The following DAPL1 variants were observed in gnomAD, a reference collection of about 807,000 sequenced individuals.
DAPL1 encodes death-associated protein-like 1.
DAPL1 carries 17 observed loss-of-function variants against 12.9 expected under a neutral mutation model. The ratio of observed to expected loss-of-function variants is 1.32; its 90% CI spans 0.90 to 1.98. DAPL1 has a LOEUF of 1.98. DAPL1 is among the 30% of genes most tolerant of loss of function. DAPL1 has a pLI of 0.00. For synonymous variants in DAPL1, 51 were observed against 42.0 expected (o/e 1.21, Z -0.82); for missense variants, 157 against 125.7 (o/e 1.25, Z -1.19).
At chr2:158,813,292 A>C (rs1449859933) in intron 3 of DAPL1, among the ~76,000 whole-genome samples, 1 of 152,164 alleles carries the variant, frequency 6.6e-6, no homozygotes, top group Admixed American at 6.5e-5. Context: ...ATGATGAAAA[A>C]GTTCTGGAGG....
intron 1 of DAPL1, among the ~76,000 whole-genome samples, chr2:158,803,003 A>G (rs1260024505): frequency 6.6e-6 from 1 of 152,276 alleles, no homozygotes; most frequent in Admixed American, 6.5e-5. Flanking sequence ...CACAGATGAT[A>G]TATAGAGATA....
At chr2:158,798,326 G>A (rs529354695) in intron 1 of DAPL1, among the ~76,000 whole-genome samples, 107 of 152,268 alleles carry the variant, frequency 7.0e-4, no homozygotes, top group African/African-American at 2.3e-3. Flanking sequence ...TATGGACCAC[G>A]GTCATTTGAA....
At chr2:158,797,756 A>G (rs1272573217) in intron 1 of DAPL1, among the ~76,000 whole-genome samples, 1 of 151,630 alleles carries the variant, frequency 6.6e-6, no homozygotes, top group Admixed American at 6.6e-5. Context: ...ACGCCACTGC[A>G]CTCCAGCCTG....
intron 1 of DAPL1, among the ~76,000 whole-genome samples, chr2:158,798,123 T>G (rs1406881756): frequency 6.6e-6 from 1 of 152,196 alleles, no homozygotes; most frequent in Non-Finnish European, 1.5e-5. Context: ...GAGCAGTGGT[T>G]CATGACTTTT....
In DAPL1 at chr2:158,815,844, T is replaced by C; in HGVS notation, c.*23T>C. 6.5e-7 allele frequency: 1 copy of C among 1,534,422 alleles called. No homozygotes were observed. Among genetic ancestry groups the C allele is most frequent in the Non-Finnish European group, 9.0e-7 (1 of 1,107,058 alleles). Reference sequence around the variant, plus strand: ...TAAGCCTGGATTTAAAACACAGCCGTCTGGCCAGCTGCCTCGAATATCTGA... The same window carrying C: ...TAAGCCTGGATTTAAAACACAGCCGCCTGGCCAGCTGCCTCGAATATCTGA... On this transcript the variant is annotated 3_prime_UTR_variant, in exon 4 of 4. Transcript: ENST00000309950.
intron 1 of DAPL1, among the ~76,000 whole-genome samples, chr2:158,802,043 A>C (rs1189261553): frequency 6.6e-6 from 1 of 152,210 alleles, no homozygotes; most frequent in East Asian, 1.9e-4. Flanking sequence ...GAGAATTAAA[A>C]CAGTGATATA....
At chr2:158,812,933 A>T (rs1053871827) in intron 3 of DAPL1, among the ~76,000 whole-genome samples, 1 of 152,210 alleles carries the variant, frequency 6.6e-6, no homozygotes, top group Non-Finnish European at 1.5e-5. Flanking sequence ...ACCAATATTC[A>T]TAGCTGCATC....
At chr2:158,801,118 C>G (rs547732424) in intron 1 of DAPL1, among the ~76,000 whole-genome samples, 3 of 152,334 alleles carry the variant, frequency 2.0e-5, no homozygotes, top group East Asian at 3.9e-4. Flanking sequence ...GCTGGGATTA[C>G]AGGTGTGAGC....
intron 3 of DAPL1, among the ~76,000 whole-genome samples, chr2:158,815,095 T>C (rs2105158751): frequency 6.6e-6 from 1 of 152,364 alleles, no homozygotes; most frequent in Admixed American, 6.5e-5. Flanking sequence ...GCTTATTTAC[T>C]CATAGATGTC....
chr2:158,807,451 G>T (rs2059208934), intron 3 of DAPL1, among the ~76,000 whole-genome samples: 1 of 152,148 alleles, frequency 6.6e-6, no homozygotes, highest in African/African-American at 2.4e-5. Context: ...GTGGAGTGGG[G>T]CTTCAGTGGT....
Position 158,815,880 on chromosome 2 carries a change from A to C in DAPL1, c.*59A>C. 1 of 1,239,036 alleles carries C rather than the reference A, an allele frequency of 8.1e-7. No homozygotes were observed. The highest frequency in any genetic ancestry group is 1.2e-6 in the Non-Finnish European group (1 of 838,798). 76.8% of individuals were successfully genotyped at this position (1,239,036 alleles called of 1,614,324 possible). A position where few individuals can be genotyped will look rare whatever the true frequency, so the allele number is the denominator to read the frequency against. ...GCCTCGAATATCTGACAGCTTAGCAAAAAGGGCCAAAGCTTTCCATAGGCG... is the reference window on the plus strand; with the variant it reads ...GCCTCGAATATCTGACAGCTTAGCACAAAGGGCCAAAGCTTTCCATAGGCG... On this transcript the variant is annotated 3_prime_UTR_variant, in exon 4 of 4. Transcript: ENST00000309950.
chr2:158,804,596 C>T (rs1182510825), intron 2 of DAPL1, among the ~76,000 whole-genome samples: 1 of 152,184 alleles, frequency 6.6e-6, no homozygotes, highest in Non-Finnish European at 1.5e-5. Flanking sequence ...ACGACCCCCA[C>T]CCATTCTCCT....
chr2:158,813,266 C>A (rs534321437), intron 3 of DAPL1, among the ~76,000 whole-genome samples: 1 of 151,976 alleles, frequency 6.6e-6, no homozygotes. Flanking sequence ...TAATTGGTAC[C>A]GAGTCTCAGT....
At chr2:158,805,347 T>C (rs945296819) in intron 2 of DAPL1, among the ~76,000 whole-genome samples, 2 of 152,214 alleles carry the variant, frequency 1.3e-5, no homozygotes, top group Non-Finnish European at 2.9e-5. Context: ...ATTTCTGATA[T>C]CAGAAACTAA....
At chr2:158,811,826 C>T (rs750935819) in intron 3 of DAPL1, among the ~76,000 whole-genome samples, 6 of 152,136 alleles carry the variant, frequency 3.9e-5, no homozygotes, top group Admixed American at 6.5e-5. Context: ...ACAGCTTCCC[C>T]GAAGTTAAAA....
At chr2:158,797,791 GA>G (rs144141422) in intron 1 of DAPL1, among the ~76,000 whole-genome samples, 32,034 of 143,620 alleles carry the variant, frequency 0.22, 4,335 homozygotes, top group Non-Finnish European at 0.32. Flanking sequence ...GACCCCGTCT[GA>G]AAAAAAAAAA....
At chr2:158,807,222 T>C in intron 3 of DAPL1, 107 bp downstream of exon 3, 1 of 664,206 alleles carries the variant, frequency 1.5e-6, no homozygotes, top group South Asian at 3.1e-5. Context: ...AACCCAGAGG[T>C]TTGAGGTCCT....
chr2:158,795,505 C>G, intron 1 of DAPL1, 75 bp downstream of exon 1: 2 of 1,401,874 alleles, frequency 1.4e-6, no homozygotes, highest in South Asian at 2.5e-5. Flanking sequence ...CATGGAGCAC[C>G]CCGACAGACG....
chr2:158,802,479 G>C (rs1199617118), intron 1 of DAPL1, among the ~76,000 whole-genome samples: 1 of 152,148 alleles, frequency 6.6e-6, no homozygotes, highest in African/African-American at 2.4e-5. Context: ...TAGAACCACA[G>C]AAAGTCCAGA....
Sources: gnomAD v4.1 joint callset for allele counts (sites outside exome capture counted in the v4.1 genomes callset) on GRCh38, gnomAD v4.1.1 for gene constraint, MANE v1.5 for transcripts, NCBI Gene and HGNC (gene_info 2026-07-23, HGNC 2026-07-21) for gene names.